CDH13: variants seen among roughly 807,000 people sequenced by gnomAD.
CDH13 encodes cadherin-13.
CDH13 carries 24 observed loss-of-function variants against 63.8 expected under a neutral mutation model. The observed-to-expected ratio is 0.38, with a 90% confidence interval of 0.27 to 0.53. CDH13 has a LOEUF of 0.53. CDH13 is among the 20% of genes least tolerant of loss of function. CDH13 has a pLI of 0.85. For synonymous variants in CDH13, 503 were observed against 355.3 expected, an observed-to-expected ratio of 1.42 and a Z score of -4.67; for missense variants, 1,049 against 903.1, an observed-to-expected ratio of 1.16 and a Z score of -2.07.
At chr16:83,577,995 C>T (rs907047099) in intron 7 of CDH13, among the ~76,000 whole-genome samples, 9 of 152,180 alleles carry the variant, frequency 5.9e-5, no homozygotes, top group African/African-American at 1.7e-4. Context: ...GCATAACCTG[C>T]CTTTGCTTCT....
chr16:82,970,214 T>C lies in CDH13; in HGVS notation c.158-61796T>C, dbSNP rs566573899. Among the ~76,000 whole-genome samples, 6 of 152,240 alleles carry C rather than the reference T, an allele frequency of 3.9e-5. No homozygotes were observed. The South Asian group carries it at 1.2e-3, about 32-fold the overall frequency. ...TGTTCTTGTGTTAGTTTGCTGAGAA[T>C]GTTGGTTTCCAGCTACATCCGTGAT... On this transcript the variant is annotated intron_variant, in intron 2 of 13. Transcript: ENST00000567109.
At chr16:83,718,894 T>G (rs751384770) in intron 10 of CDH13, among the ~76,000 whole-genome samples, 8 of 152,202 alleles carry the variant, frequency 5.3e-5, no homozygotes, top group Non-Finnish European at 8.8e-5. Context: ...ACCCCAGTCA[T>G]TGGGTGAGGG....
At chr16:82,980,749 C>G (rs1233635662) in intron 2 of CDH13, among the ~76,000 whole-genome samples, 1 of 152,182 alleles carries the variant, frequency 6.6e-6, no homozygotes, top group Non-Finnish European at 1.5e-5. Context: ...TTGGGGTTGC[C>G]TTTGTCCCCA....
At chr16:82,832,694 C>A (rs1475131742) in intron 1 of CDH13, among the ~76,000 whole-genome samples, 1 of 150,766 alleles carries the variant, frequency 6.6e-6, no homozygotes, top group African/African-American at 2.5e-5. Context: ...GAAATTGTTT[C>A]AGTAACATTG....
intron 3 of CDH13, among the ~76,000 whole-genome samples, chr16:83,080,886 T>TTTTG (rs2033199851): frequency 2.6e-5 from 3 of 117,406 alleles, no homozygotes; most frequent in Non-Finnish European, 5.0e-5. Flanking sequence ...TTTTTTTTTT[T>TTTTG]TTTTTTTTTT....
chr16:83,283,756 G>T (rs2089241326), intron 5 of CDH13, among the ~76,000 whole-genome samples: 2 of 152,144 alleles, frequency 1.3e-5, no homozygotes, highest in African/African-American at 4.8e-5. Context: ...GTTTGAGCTG[G>T]AAATAACCTT....
rs183654856 is a variant in CDH13, at chr16:83,313,079, G to T, written c.637-31783G>T. Among the ~76,000 whole-genome samples the T allele has an allele frequency of 3.3e-5, 5 of 152,322 alleles. No individual in the cohort carries two copies. The East Asian group carries it at 9.6e-4, about 29-fold the overall frequency. On this transcript the variant is annotated intron_variant, in intron 5 of 13. Coordinates refer to ENST00000567109, the MANE Select transcript of CDH13 (RefSeq NM_001257.5). ...TGCTGTAGAAAGGATTGGCATCAGG[G>T]TTGCAGATAGCAAGTGAAGCTCATG...
At chr16:83,449,371 C>T (rs1022614001) in intron 6 of CDH13, among the ~76,000 whole-genome samples, 2 of 152,138 alleles carry the variant, frequency 1.3e-5, no homozygotes, top group African/African-American at 2.4e-5. Context: ...AAGTCCCTGT[C>T]CGCTGGGCAA....
intron 10 of CDH13, among the ~76,000 whole-genome samples, chr16:83,738,452 G>A (rs888672208): frequency 2.6e-5 from 4 of 152,040 alleles, no homozygotes; most frequent in Admixed American, 2.0e-4. Context: ...TTTCTCCTCC[G>A]TATTGTCTGA....
intron 2 of CDH13, among the ~76,000 whole-genome samples, chr16:83,027,859 G>T (rs546381528): frequency 6.6e-6 from 1 of 152,226 alleles, no homozygotes; most frequent in South Asian, 2.1e-4. Flanking sequence ...CTAAGTAATA[G>T]GTCCCCAATT....
chr16:82,632,306 G>T (rs1908109442), intron 1 of CDH13, among the ~76,000 whole-genome samples: 1 of 152,168 alleles, frequency 6.6e-6, no homozygotes, highest in African/African-American at 2.4e-5. Context: ...TTATTTCTCA[G>T]TGATGGACTA....
chr16:83,663,336 A>G (rs1055429613), intron 8 of CDH13, among the ~76,000 whole-genome samples: 4 of 152,108 alleles, frequency 2.6e-5, no homozygotes, highest in Admixed American at 1.3e-4. Context: ...AGCTATATCT[A>G]CTCAAAACCG....
chr16:83,284,968 C>G (rs1330791263), intron 5 of CDH13, among the ~76,000 whole-genome samples: 1 of 152,162 alleles, frequency 6.6e-6, no homozygotes, highest in Non-Finnish European at 1.5e-5. Context: ...TATAAAAGAT[C>G]TAGCCAGCTT....
intron 4 of CDH13, among the ~76,000 whole-genome samples, chr16:83,202,526 C>T (rs1470335377): frequency 6.6e-6 from 1 of 152,132 alleles, no homozygotes; most frequent in Non-Finnish European, 1.5e-5. Context: ...AATGAAGGCA[C>T]ATGCAAGGCA....
Position 82,644,559 on chromosome 16 carries a change from T to C in CDH13, c.45+17422T>C, listed in dbSNP as rs1425570561. 6.6e-6 allele frequency among the ~76,000 whole-genome samples: 1 copy of C among 152,016 alleles called. No individual in the cohort carries two copies. The highest frequency in any genetic ancestry group is 1.5e-5 in the Non-Finnish European group (1 of 68,008). On this transcript the variant is annotated intron_variant, in intron 1 of 13. Coordinates refer to ENST00000567109, the MANE Select transcript of CDH13 (RefSeq NM_001257.5). This position sits in a 1 kb window ranked among gnomAD's most constrained non-coding sequence, Gnocchi z 5.7. ...CCCAGACCAGGCCCAGTGCACGAGTTTGGGTGCTGGAAGGGGAGGCTTTAT... is the reference window on the plus strand; with the variant it reads ...CCCAGACCAGGCCCAGTGCACGAGTCTGGGTGCTGGAAGGGGAGGCTTTAT...
intron 6 of CDH13, among the ~76,000 whole-genome samples, chr16:83,349,260 G>C (rs992200729): frequency 9.2e-5 from 14 of 152,220 alleles, no homozygotes; most frequent in African/African-American, 3.4e-4. Flanking sequence ...ACAGATCTCT[G>C]TGTGAGTTTG....
intron 4 of CDH13, among the ~76,000 whole-genome samples, chr16:83,152,514 T>A (rs988191800): frequency 6.6e-5 from 10 of 152,216 alleles, no homozygotes; most frequent in African/African-American, 2.4e-4. Flanking sequence ...TTCCTTTACA[T>A]TTTTTTCTAC....
At chr16:82,690,811 T>G (rs980643587) in intron 1 of CDH13, among the ~76,000 whole-genome samples, 22 of 152,228 alleles carry the variant, frequency 1.4e-4, no homozygotes, top group African/African-American at 4.6e-4. Flanking sequence ...ACCTGGGTGT[T>G]GGCTGACGCA....
intron 5 of CDH13, among the ~76,000 whole-genome samples, chr16:83,266,718 G>C (rs1282654865): frequency 6.6e-6 from 1 of 152,188 alleles, no homozygotes; most frequent in Non-Finnish European, 1.5e-5. Context: ...AAGGTTCACA[G>C]CACAACAAAC....
Sources: gnomAD v4.1 joint callset for allele counts (sites outside exome capture counted in the v4.1 genomes callset) on GRCh38, gnomAD v4.1.1 for gene constraint, Gnocchi (gnomAD v3.1) non-coding constraint, MANE v1.5 for transcripts, NCBI Gene and HGNC (gene_info 2026-07-23, HGNC 2026-07-21) for gene names.